FOSL1: variants seen among roughly 807,000 people sequenced by gnomAD.
FOSL1 encodes the protein FOS like 1, AP-1 transcription factor subunit.
In FOSL1, 14 loss-of-function variants were observed where a neutral mutation model predicts 24.9. The observed-to-expected ratio is 0.56, with a 90% CI of 0.37 to 0.88. FOSL1 has a LOEUF of 0.88. Among genes scored for constraint, FOSL1 ranks in the 40% least tolerant of loss-of-function variants. FOSL1 has a pLI of 0.00. For missense variants in FOSL1, 318 were observed against 359.8 expected (o/e 0.88, Z 0.94); for synonymous variants, 133 against 145.1 (o/e 0.92, Z 0.60).
Position 65,896,879 on chromosome 11 carries a change from G to A in FOSL1, c.227C>T (p.Pro76Leu), listed in dbSNP as rs758410472. 1.2e-6 allele frequency: 2 copies of A among 1,613,710 alleles called. No individual in the cohort carries two copies. Among genetic ancestry groups the A allele is most frequent in the East Asian group, 2.2e-5 (1 of 44,876 alleles). ...RPLTYPQYSP[P>L]QPRPGVIRAL... Reference sequence around the variant, plus strand: ...CCGGATGACTCCTGGCCGGGGTTGTGGGGGGCTGTACTGAGGGTAGGTCAG... The same window carrying A: ...CCGGATGACTCCTGGCCGGGGTTGTAGGGGGCTGTACTGAGGGTAGGTCAG... Residue 76 changes from proline to leucine, a missense_variant, in exon 2 of 4, where the codon CCA (proline) becomes CTA (leucine). Physicochemically the swap from Pro to Leu is moderately conservative, Grantham distance 98 (BLOSUM62 -3). Transcript: ENST00000312562.
Position 65,900,261 on chromosome 11 carries a change from C to A in FOSL1, c.79G>T (p.Ala27Ser). The change falls in exon 1 of 4, where the codon GCA (alanine) becomes TCA (serine). Residue 27 changes from alanine (A) to serine (S), a missense_variant. Physicochemically the swap from Ala to Ser is moderately conservative, Grantham distance 99. Transcript: ENST00000312562. Reference protein sequence around the residue: ...GYGGPAQPPAAAQAAQQKFHL... With the variant: ...GYGGPAQPPASAQAAQQKFHL... ...CTCACCTGCTGGGCTGCCTGCGCTG[C>A]GGCCGGGGGCTGCGCGGGGCCGCCG... is the stretch of plus-strand genomic sequence containing the variant. 1 of 1,243,200 alleles carries A rather than the reference C, an allele frequency of 8.0e-7. No individual in the cohort carries two copies. The allele number at this position is 1,243,200 out of a possible 1,614,324, so 77.0% of individuals were successfully genotyped here.
Position 65,896,828 on chromosome 11 carries a change from C to T in FOSL1, c.278G>A (p.Arg93His), listed in dbSNP as rs201410689. 31 of 1,610,348 alleles carry T rather than the reference C, an allele frequency of 1.9e-5. No homozygotes were observed. The East Asian group carries it at 5.8e-4, about 30-fold the overall frequency. ...IRALGPPPGV[R>H]RRPCEQISPE... ...CCTTACCTGTTCACAAGGCCTTCGA[C>T]GTACCCCTGGAGGCGGCCCCAGGGC... is the stretch of plus-strand genomic sequence containing the variant. Residue 93 changes from arginine to histidine, a missense_variant, in exon 2 of 4, where the codon CGT becomes CAT. Coordinates refer to ENST00000312562, the MANE Select transcript of FOSL1 (RefSeq NM_005438.5).
intron 3 of FOSL1, among the ~76,000 whole-genome samples, chr11:65,893,666 C>T (rs1321481125): frequency 6.6e-6 from 1 of 151,884 alleles, no homozygotes; most frequent in African/African-American, 2.4e-5. Flanking sequence ...AGGCAGGCGC[C>T]TGTAGCCCCA....
At chr11:65,900,139 C>T (rs1860635529) in intron 1 of FOSL1, 102 bp downstream of exon 1, 2 of 552,478 alleles carry the variant, frequency 3.6e-6, no homozygotes, top group African/African-American at 1.9e-5. Context: ...CAGCCCGGCC[C>T]CGACTCCGGT....
At chr11:65,898,554 C>T (rs1005331915) in intron 1 of FOSL1, among the ~76,000 whole-genome samples, 1 of 152,198 alleles carries the variant, frequency 6.6e-6, no homozygotes, top group Non-Finnish European at 1.5e-5. Flanking sequence ...GTTATTTAAC[C>T]TCCATGTGCC....
intron 2 of FOSL1, among the ~76,000 whole-genome samples, chr11:65,895,910 TACTC>T (rs1167670401): frequency 2.6e-5 from 4 of 152,260 alleles, no homozygotes; most frequent in South Asian, 4.1e-4. Flanking sequence ...CGCCATCTCT[TACTC>T]ACTTATTTTG....
chr11:65,892,628 TGG>T lies in FOSL1; in HGVS notation c.*256_*257del, dbSNP rs1860413890. On this transcript the variant is annotated 3_prime_UTR_variant, in exon 4 of 4. Coordinates refer to ENST00000312562, the MANE Select transcript of FOSL1 (RefSeq NM_005438.5). ...AGTCTCTGGGCTGCCAGGATTCCTC[TGG>T]CACAAATGGGAAATATTTTGTCTCT... 1.5e-6 allele frequency: 1 copy of T among 664,806 alleles called. No individual in the cohort carries two copies. The highest frequency in any genetic ancestry group is 1.8e-5 in the African/African-American group (1 of 56,520). The allele number at this position is 664,806 out of a possible 1,614,324, so 41.2% of individuals were successfully genotyped here. A position where few individuals can be genotyped will look rare whatever the true frequency, so the allele number is the denominator to read the frequency against.
At chr11:65,897,037 G>A in intron 1 of FOSL1, 31 bp from the exon 2 acceptor site, 2 of 1,565,376 alleles carry the variant, frequency 1.3e-6, no homozygotes, top group East Asian at 4.5e-5. Context: ...GGCCACAGAT[G>A]AGGTCCGTGT....
chr11:65,893,100 C>G lies in FOSL1; in HGVS notation c.602G>C (p.Cys201Ser), dbSNP rs1436582414. 5.0e-6 allele frequency: 8 copies of G among 1,612,548 alleles called. No homozygotes were observed. In the African/African-American group the frequency reaches 8.0e-5, roughly 16 times the overall value. Residue 201 changes from cysteine (C) to serine (S), a missense_variant, in exon 4 of 4, where the codon TGT becomes TCT. Coordinates refer to ENST00000312562, the MANE Select transcript of FOSL1 (RefSeq NM_005438.5). ...CACAGGCCCTGGGGAAAGGGAGATA[C>G]AAGGTACAGGGCGGCAGGGGGCTGG... ...SPPAPCRPVP[C>S]ISLSPGPVLE... is the part of the protein sequence containing the mutation.
At chr11:65,900,414 T>A, upstream of FOSL1, 1 of 866,908 alleles carries the variant, frequency 1.2e-6, no homozygotes. Flanking sequence ...AGTCTTTTCT[T>A]TTTATGAATG....
chr11:65,893,036 G>A lies in FOSL1; in HGVS notation c.666C>T (p.Thr222=), dbSNP rs769224863. ...PEALHTPTLM[T]TPSLTPFTPS... ...GGGTGAAAGGAGTTAGGGAGGGTGT[G>A]GTCATGAGTGTGGGGGTGTGCAGTG... The change falls in exon 4 of 4, where the codon ACC becomes ACT. Residue 222 remains threonine (T), a synonymous_variant. Coordinates refer to ENST00000312562, the MANE Select transcript of FOSL1 (RefSeq NM_005438.5). 2.5e-6 allele frequency: 4 copies of A among 1,612,110 alleles called. No homozygotes were observed. In the South Asian group the frequency reaches 3.3e-5, roughly 13 times the overall value.
intron 1 of FOSL1, among the ~76,000 whole-genome samples, chr11:65,899,543 G>A (rs1320567890): frequency 6.6e-6 from 1 of 152,242 alleles, no homozygotes; most frequent in Non-Finnish European, 1.5e-5. Flanking sequence ...TAGGGGCTGA[G>A]AGTGGGGTCG....
intron 1 of FOSL1, among the ~76,000 whole-genome samples, chr11:65,899,984 G>T (rs1266124158): frequency 6.6e-6 from 1 of 152,242 alleles, no homozygotes; most frequent in African/African-American, 2.4e-5. Context: ...GAGAGAAAGC[G>T]GGCACGGAGA....
At chr11:65,893,340 A>C (rs1591084871) in intron 3 of FOSL1, 44 bp from the exon 4 acceptor site, 10 of 1,269,972 alleles carry the variant, frequency 7.9e-6, no homozygotes, top group South Asian at 1.3e-5. Flanking sequence ...AGGGCTGAAT[A>C]CCCCAGAGCC....
At chr11:65,898,780 G>A (rs1033379788) in intron 1 of FOSL1, among the ~76,000 whole-genome samples, 1 of 152,112 alleles carries the variant, frequency 6.6e-6, no homozygotes, top group South Asian at 2.1e-4. Context: ...GCAACACAGT[G>A]AGACTTCATT....
At chr11:65,898,045 G>GTTTTTTTTTTTTTTTTTTTTTTTTTTTT (rs71036252) in intron 1 of FOSL1, among the ~76,000 whole-genome samples, 1 of 101,838 alleles carries the variant, frequency 9.8e-6, no homozygotes, top group Non-Finnish European at 1.8e-5. Context: ...TTTCTTTTCT[G>GTTTTTTTTTTTTTTTTTTTTTTTTTTTT]TTTTTTTTTT....
chr11:65,899,282 C>T (rs1860609688), intron 1 of FOSL1, among the ~76,000 whole-genome samples: 1 of 152,180 alleles, frequency 6.6e-6, no homozygotes, highest in Non-Finnish European at 1.5e-5. Context: ...CGCTGCGGGC[C>T]CGGCGTCCCA....
At position 65,894,061 on chromosome 11, in the gene FOSL1, C is replaced by A. The variant is rs771352442; in HGVS notation, c.358G>T (p.Ala120Ser). Residue 120 changes from alanine to serine, a missense_variant, in exon 3 of 4, where the codon GCC becomes TCC. Coordinates refer to ENST00000312562, the MANE Select transcript of FOSL1 (RefSeq NM_005438.5). ...TCCTTCCTCCGGTTCCTGCACTTGG[C>A]CGCAGCCAGCTTGTTCCGCTCGCGC... ...VRRERNKLAA[A>S]KCRNRRKELT... 6.2e-7 allele frequency: 1 copy of A among 1,611,172 alleles called. No homozygotes were observed. The highest frequency in any genetic ancestry group is 1.7e-5 in the Admixed American group (1 of 59,890).
At chr11:65,893,949 TG>T in intron 3 of FOSL1, 64 bp downstream of exon 3, 1 of 1,104,310 alleles carries the variant, frequency 9.1e-7, no homozygotes. Context: ...CTACATATAC[TG>T]GGGCTCTGGG....
Sources: allele counts gnomAD v4.1 joint callset (sites outside exome capture counted in the v4.1 genomes callset), GRCh38; gene constraint gnomAD v4.1.1; transcripts MANE v1.5; gene names NCBI Gene and HGNC (gene_info 2026-07-23, HGNC 2026-07-21).